The following FAM20B variants were observed in gnomAD, a reference collection of about 807,000 sequenced individuals.
FAM20B encodes glycosaminoglycan xylosylkinase.
In FAM20B, 23 loss-of-function variants were observed where a neutral mutation model predicts 43.8. The ratio of observed to expected loss-of-function variants is 0.53; its 90% CI spans 0.38 to 0.74. The LOEUF (loss-of-function observed/expected upper bound fraction) is 0.74. Ranked by LOEUF, FAM20B falls within the 30% of genes least tolerant of loss-of-function variation. The pLI, the probability that FAM20B is intolerant of heterozygous loss-of-function variation, is 0.00. For synonymous variants in FAM20B, 178 were observed against 192.4 expected, an observed-to-expected ratio of 0.93 and a Z score of 0.62; for missense variants, 440 against 510.5, an observed-to-expected ratio of 0.86 and a Z score of 1.33.
At chr1:179,066,073 C>T (rs567846206) in intron 6 of FAM20B, among the ~76,000 whole-genome samples, 36 of 152,212 alleles carry the variant, frequency 2.4e-4, no homozygotes, top group African/African-American at 8.2e-4. Flanking sequence ...CCAGGGATTA[C>T]GAATTTGAGG....
chr1:179,023,288 C>T (rs995521763), upstream of FAM20B, among the ~76,000 whole-genome samples: 33 of 152,166 alleles, frequency 2.2e-4, 1 homozygote, highest in South Asian at 4.1e-4. Context: ...TTCAACACAT[C>T]AATGTGGAGA....
At chr1:179,064,803 G>T (rs1470117080) in intron 6 of FAM20B, among the ~76,000 whole-genome samples, 1 of 152,138 alleles carries the variant, frequency 6.6e-6, no homozygotes, top group Non-Finnish European at 1.5e-5. Flanking sequence ...ATGATATTTG[G>T]TGTTTAGAAG....
At chr1:179,030,788 G>A (rs1036203195) in intron 1 of FAM20B, among the ~76,000 whole-genome samples, 7 of 151,698 alleles carry the variant, frequency 4.6e-5, no homozygotes, top group African/African-American at 1.7e-4. Flanking sequence ...TACAGGCCCT[G>A]CACAGTGCTA....
At chr1:179,047,092 C>T (rs1207106728) in intron 2 of FAM20B, among the ~76,000 whole-genome samples, 2 of 152,176 alleles carry the variant, frequency 1.3e-5, no homozygotes, top group Non-Finnish European at 2.9e-5. Context: ...CAGATATTCC[C>T]AAGAGCGTGC....
In FAM20B at chr1:179,073,742, A is replaced by T. The variant is rs1218256612; in HGVS notation, c.*1598A>T. 4.6e-5 allele frequency: 7 copies of T among 152,210 alleles called. No individual in the cohort carries two copies. The highest frequency in any genetic ancestry group is 4.6e-4 in the Admixed American group (7 of 15,278). 9.4% of individuals were successfully genotyped at this position (152,210 alleles called of 1,614,324 possible). A position where few individuals can be genotyped will look rare whatever the true frequency, so the allele number is the denominator to read the frequency against. ...TCTTGTTTGGAGTTCTGAACCCATGATGTTGTATTATGCTTCTTTCTCCTC... is the reference window on the plus strand; with the variant it reads ...TCTTGTTTGGAGTTCTGAACCCATGTTGTTGTATTATGCTTCTTTCTCCTC... On this transcript the variant is annotated 3_prime_UTR_variant, in exon 8 of 8. Coordinates refer to ENST00000263733, the MANE Select transcript of FAM20B (RefSeq NM_014864.4).
Position 179,075,041 on chromosome 1 carries a change from A to G in FAM20B, c.*2897A>G, listed in dbSNP as rs1053334162. On this transcript the variant is annotated 3_prime_UTR_variant, in exon 8 of 8. Transcript: ENST00000263733. ...AGACCGTCTCTACTAAAAATGCAAA[A>G]ATTAACAGGGCACGGTGGCATGCGC... 5.9e-5 allele frequency: 9 copies of G among 151,936 alleles called. No homozygotes were observed. Among genetic ancestry groups the G allele is most frequent in the Non-Finnish European group, 1.0e-4 (7 of 67,982 alleles). 9.4% of individuals were successfully genotyped at this position (151,936 alleles called of 1,614,324 possible). A position where few individuals can be genotyped will look rare whatever the true frequency, so the allele number is the denominator to read the frequency against.
chr1:179,054,164 GT>G (rs1290814467), intron 3 of FAM20B, among the ~76,000 whole-genome samples: 1 of 149,552 alleles, frequency 6.7e-6, no homozygotes, highest in Admixed American at 6.7e-5. Context: ...CCATATATGA[GT>G]TTGGGTCCCA....
At chr1:179,027,198 G>A (rs2102477283) in intron 1 of FAM20B, among the ~76,000 whole-genome samples, 1 of 152,224 alleles carries the variant, frequency 6.6e-6, no homozygotes, top group Non-Finnish European at 1.5e-5. Context: ...CTATAATCTG[G>A]TACAAATTAC....
In FAM20B at chr1:179,069,809, G is replaced by A. The variant is rs567069349; in HGVS notation, c.999-2104G>A. Among the ~76,000 whole-genome samples, 79 of 152,202 alleles carry A rather than the reference G, an allele frequency of 5.2e-4. 1 individual carries two copies. The highest frequency in any genetic ancestry group is 1.0e-3 in the Non-Finnish European group (68 of 68,026). The stretch of plus-strand genomic sequence containing the variant: ...AAATAACTGTACTCCGTCTGTGCCT[G>A]TTTGTCCCTTCCATGCATGCTTTAT... On this transcript the variant is annotated intron_variant, in intron 7 of 7. Transcript: ENST00000263733.
At chr1:179,023,872 G>A (rs1649648719), upstream of FAM20B, among the ~76,000 whole-genome samples, 1 of 152,122 alleles carries the variant, frequency 6.6e-6, no homozygotes, top group African/African-American at 2.4e-5. Flanking sequence ...TCATGTAAAC[G>A]CCCTTCTTAA....
At chr1:179,029,099 T>C (rs1406020922) in intron 1 of FAM20B, among the ~76,000 whole-genome samples, 2 of 152,252 alleles carry the variant, frequency 1.3e-5, no homozygotes, top group African/African-American at 2.4e-5. Context: ...GTTGGATTGA[T>C]AGCCAGTGTT....
chr1:179,070,933 T>C (rs547368323), intron 7 of FAM20B, among the ~76,000 whole-genome samples: 1 of 152,222 alleles, frequency 6.6e-6, no homozygotes, highest in African/African-American at 2.4e-5. Flanking sequence ...AATTTCAACA[T>C]GTATTTTGTA....
upstream of FAM20B, among the ~76,000 whole-genome samples, chr1:179,025,516 G>T (rs906336719): frequency 2.0e-5 from 3 of 152,158 alleles, no homozygotes; most frequent in Non-Finnish European, 4.4e-5. Flanking sequence ...ACTCGACCTA[G>T]GGGACCGCAA....
intron 3 of FAM20B, among the ~76,000 whole-genome samples, chr1:179,054,000 A>AT (rs927732141): frequency 6.6e-6 from 1 of 151,672 alleles, no homozygotes; most frequent in African/African-American, 2.4e-5. Context: ...AGGAAATTTC[A>AT]TTTTTTTAAA....
rs559119061 is a variant in FAM20B, at chr1:179,071,534, CAT to C, written c.999-377_999-376del. Among the ~76,000 whole-genome samples the C allele has an allele frequency of 2.4e-4, 36 of 152,268 alleles. No individual in the cohort carries two copies. The East Asian group carries it at 6.2e-3, about 26-fold the overall frequency. ...CTCTTCCCCCCACCCAGCATCATATCATAGGCATTTTCCCATTCCACTAAATT... is the reference window on the plus strand; with the variant it reads ...CTCTTCCCCCCACCCAGCATCATATCAGGCATTTTCCCATTCCACTAAATT... On this transcript the variant is annotated intron_variant, in intron 7 of 7. Coordinates refer to ENST00000263733, the MANE Select transcript of FAM20B (RefSeq NM_014864.4).
chr1:179,065,199 G>C (rs1252101915), intron 6 of FAM20B, among the ~76,000 whole-genome samples: 1 of 151,474 alleles, frequency 6.6e-6, no homozygotes, highest in Non-Finnish European at 1.5e-5. Context: ...TGCCCAGGCT[G>C]GAGTGCAGTG....
At chr1:179,071,025 T>C (rs894500926) in intron 7 of FAM20B, among the ~76,000 whole-genome samples, 9 of 151,648 alleles carry the variant, frequency 5.9e-5, no homozygotes, top group East Asian at 4.0e-4. Context: ...CCAGGCGCAG[T>C]GGCTCACGCC....
At chr1:179,067,163 A>C (rs906447481) in intron 7 of FAM20B, among the ~76,000 whole-genome samples, 1 of 152,182 alleles carries the variant, frequency 6.6e-6, no homozygotes, top group Non-Finnish European at 1.5e-5. Context: ...TGCCAAAAAA[A>C]AAAAAAGGAG....
At position 179,039,612 on chromosome 1, in the gene FAM20B, A is replaced by C. The variant is rs74385521; in HGVS notation, c.-133-4103A>C. Among the ~76,000 whole-genome samples the C allele has an allele frequency of 5.6e-3, 859 of 152,308 alleles. 8 individuals are homozygous for C. The highest frequency in any genetic ancestry group is 0.02 in the African/African-American group (819 of 41,560). ...ATAATTGGCGAAGGACTAAGTAGAA[A>C]TATGTGTCTGGGGTTGTATTTAAAT... On this transcript the variant is annotated intron_variant, in intron 1 of 7. Transcript: ENST00000263733.
Sources: gnomAD v4.1 joint callset for allele counts (sites outside exome capture counted in the v4.1 genomes callset) on GRCh38, gnomAD v4.1.1 for gene constraint, MANE v1.5 for transcripts, NCBI Gene and HGNC (gene_info 2026-07-23, HGNC 2026-07-21) for gene names.